The following BCL2L14 variants were observed in gnomAD, a reference collection of about 807,000 sequenced individuals.
The protein encoded by BCL2L14 is BCL2 like 14, also known as apoptosis facilitator Bcl-2-like protein 14.
In BCL2L14, 27 loss-of-function variants were observed where a neutral mutation model predicts 35.3. The observed-to-expected ratio is 0.76, with a 90% confidence interval of 0.56 to 1.05. The LOEUF (loss-of-function observed/expected upper bound fraction) is 1.05, where lower values mean the gene tolerates loss of function less well. Ranked by LOEUF, BCL2L14 falls within the 50% of genes least tolerant of loss-of-function variation. The pLI is 0.00. For missense variants in BCL2L14, 377 were observed against 382.6 expected (o/e 0.99, Z 0.12); for synonymous variants, 139 against 145.9 (o/e 0.95, Z 0.34).
chr12:12,068,096 A>C, upstream of BCL2L14: 1 of 397,806 alleles, frequency 2.5e-6, no homozygotes, highest in Non-Finnish European at 4.4e-6. Flanking sequence ...GGTGTGCTCC[A>C]CCACGCCCAG....
chr12:12,076,582 T>C (rs1310464190), intron 1 of BCL2L14, among the ~76,000 whole-genome samples: 1 of 152,158 alleles, frequency 6.6e-6, no homozygotes, highest in Non-Finnish European at 1.5e-5. Flanking sequence ...TTTTGCAACT[T>C]GCCCTTTGCT....
upstream of BCL2L14, among the ~76,000 whole-genome samples, chr12:12,066,862 C>A (rs1948600549): frequency 6.6e-6 from 1 of 151,954 alleles, no homozygotes; most frequent in African/African-American, 2.4e-5. Context: ...AGGCGCCCAC[C>A]ACCATGTCTA....
Position 12,057,546 on chromosome 12 carries a change from T to C in BCL2L14, c.-272+5699T>C, listed in dbSNP as rs185053040. ...GCCGAGGCGGGTGGATCACCTGAGG[T>C]CGGGAGTTCGAGACCAGCCTGACCA... On this transcript the variant is annotated intron_variant, in intron 2 of 3. Transcript: ENST00000461264. 9.5e-3 allele frequency among the ~76,000 whole-genome samples: 1,440 copies of C among 151,898 alleles called. 29 individuals carry two copies. The highest frequency in any genetic ancestry group is 0.033 in the African/African-American group (1,388 of 41,436).
intron 4 of BCL2L14, among the ~76,000 whole-genome samples, chr12:12,092,097 T>C (rs1473010601): frequency 6.6e-6 from 1 of 152,124 alleles, no homozygotes; most frequent in African/African-American, 2.4e-5. Flanking sequence ...CAAGGGCTCT[T>C]TACAACTCAG....
rs554870878 is a variant in BCL2L14, at chr12:12,095,805, G to T, written c.945+875G>T. On this transcript the variant is annotated intron_variant, in intron 5 of 5. Coordinates refer to ENST00000308721, the MANE Select transcript of BCL2L14 (RefSeq NM_138723.2). The stretch of plus-strand genomic sequence containing the variant: ...GGAAAGTGCAGCTGATCTTGCCCAA[G>T]GGTCTGAAGTGCCCGCCATGGTCTT... 21 of 985,400 alleles carry T rather than the reference G, an allele frequency of 2.1e-5. No homozygotes were observed. The African/African-American group carries it at 3.5e-4, about 16-fold the overall frequency. The allele number at this position is 985,400 out of a possible 1,614,324, so 61.0% of individuals were successfully genotyped here.
intron 3 of BCL2L14, among the ~76,000 whole-genome samples, chr12:12,090,243 G>A (rs531440320): frequency 6.6e-6 from 1 of 152,124 alleles, no homozygotes; most frequent in Non-Finnish European, 1.5e-5. Context: ...AAGGAAGAAG[G>A]GGAAAGAAGG....
At chr12:12,098,765 C>T (rs928984928) in intron 5 of BCL2L14, among the ~76,000 whole-genome samples, 185 bp from the exon 6 acceptor site, 1 of 152,138 alleles carries the variant, frequency 6.6e-6, no homozygotes, top group Non-Finnish European at 1.5e-5. Flanking sequence ...AACGTAAGAC[C>T]TTAGCTGATG....
intron 3 of BCL2L14, among the ~76,000 whole-genome samples, chr12:12,088,881 G>A (rs1470603480): frequency 7.0e-6 from 1 of 143,016 alleles, no homozygotes; most frequent in African/African-American, 2.6e-5. Flanking sequence ...CTCTGAGTCT[G>A]CTAAAAAAAA....
At position 12,061,021 on chromosome 12, in the gene BCL2L14, C is replaced by G. The variant is rs1175663209; in HGVS notation, c.-272+9174C>G. 7.7e-5 allele frequency among the ~76,000 whole-genome samples: 8 copies of G among 104,296 alleles called. 1 individual carries two copies. Among genetic ancestry groups the G allele is most frequent in the Admixed American group, 2.1e-4 (2 of 9,646 alleles). 68.4% of individuals were successfully genotyped at this position (104,296 alleles called of 152,430 possible). A position where few individuals can be genotyped will look rare whatever the true frequency, so the allele number is the denominator to read the frequency against. Reference sequence around the variant, plus strand: ...GGGCCTGTTTCCCTTGCCTCCATAACTGTTGTGGGTATTGATGGCCAGGCT... The same window carrying G: ...GGGCCTGTTTCCCTTGCCTCCATAAGTGTTGTGGGTATTGATGGCCAGGCT... On this transcript the variant is annotated intron_variant, in intron 2 of 3. Transcript: ENST00000461264.
chr12:12,072,094 C>T (rs1197297323), intron 1 of BCL2L14: 1 of 152,360 alleles, frequency 6.6e-6, no homozygotes, highest in Non-Finnish European at 1.5e-5. Context: ...CTCCACACCC[C>T]TCACCGCTGG....
At chr12:12,071,714 G>GCTCC (rs933805321) in intron 1 of BCL2L14, 1 of 152,184 alleles carries the variant, frequency 6.6e-6, no homozygotes, top group African/African-American at 2.4e-5. Context: ...TCCTCCCTGA[G>GCTCC]CTCCCTGTCC....
intron 2 of BCL2L14, among the ~76,000 whole-genome samples, chr12:12,064,267 A>G (rs1469549959): frequency 6.6e-6 from 1 of 151,856 alleles, no homozygotes; most frequent in Non-Finnish European, 1.5e-5. Context: ...GTATGGGACT[A>G]CAGGCATGCA....
chr12:12,092,761 G>A (rs772454979), intron 4 of BCL2L14, among the ~76,000 whole-genome samples: 3 of 152,190 alleles, frequency 2.0e-5, no homozygotes, highest in Non-Finnish European at 4.4e-5. Context: ...GCCTCCTGCA[G>A]AGTCACAACC....
Position 12,058,929 on chromosome 12 carries a change from A to G in BCL2L14, c.-272+7082A>G, listed in dbSNP as rs533318956. Among the ~76,000 whole-genome samples the G allele has an allele frequency of 9.1e-4, 138 of 152,320 alleles. 1 individual carries two copies. The South Asian group carries it at 0.015, about 17-fold the overall frequency. On this transcript the variant is annotated intron_variant, in intron 2 of 3. Coordinates refer to the BCL2L14 transcript ENST00000461264. Reference sequence around the variant, plus strand: ...GAAACATCTCACCAATTTCAAATCCAGTAAGCGGCCTCTTTTTACTCTCTT... The same window carrying G: ...GAAACATCTCACCAATTTCAAATCCGGTAAGCGGCCTCTTTTTACTCTCTT...
At chr12:12,060,119 C>T (rs543629674) in intron 2 of BCL2L14, among the ~76,000 whole-genome samples, 2 of 151,576 alleles carry the variant, frequency 1.3e-5, no homozygotes, top group South Asian at 2.1e-4. Context: ...CTTCCTCAGC[C>T]TCTGCTCCTC....
intron 4 of BCL2L14, among the ~76,000 whole-genome samples, chr12:12,093,313 T>C (rs1174294264): frequency 6.6e-6 from 1 of 152,140 alleles, no homozygotes; most frequent in East Asian, 1.9e-4. Context: ...CTCTTCTATG[T>C]CCAGCACTAT....
chr12:12,050,809 A>AAAAAAAAG (rs1565431509), intron 1 of BCL2L14, among the ~76,000 whole-genome samples: 1 of 134,672 alleles, frequency 7.4e-6, no homozygotes, highest in African/African-American at 2.6e-5. Context: ...AAAAAAAAAA[A>AAAAAAAAG]AAAAGAAAAG....
intron 3 of BCL2L14, among the ~76,000 whole-genome samples, chr12:12,090,215 G>A (rs796555047): frequency 2.0e-5 from 3 of 152,314 alleles, no homozygotes; most frequent in African/African-American, 7.2e-5. Flanking sequence ...TTCACAGTGA[G>A]AGCTGGGGGA....
Position 12,070,968 on chromosome 12 carries a change from G to C in BCL2L14, c.-177G>C. On this transcript the variant is annotated 5_prime_UTR_variant, in exon 1 of 6. Transcript: ENST00000308721. ...TTTCAGGCTGAGTCCTAAACCTGAA[G>C]AAAGTTTAGAGCCTGGGGCTCTAAA... The C allele has an allele frequency of 6.6e-6, 1 of 152,180 alleles. No homozygotes were observed. Among genetic ancestry groups the C allele is most frequent in the South Asian group, 2.1e-4 (1 of 4,828 alleles). 9.4% of individuals were successfully genotyped at this position (152,180 alleles called of 1,614,324 possible).
Sources: allele counts gnomAD v4.1 joint callset (sites outside exome capture counted in the v4.1 genomes callset), GRCh38; gene constraint gnomAD v4.1.1; transcripts MANE v1.5; gene names NCBI Gene and HGNC (gene_info 2026-07-23, HGNC 2026-07-21).